GLB1: variants seen among roughly 807,000 people sequenced by gnomAD.
GLB1 encodes beta-galactosidase.
A neutral mutation model predicts 74.0 loss-of-function variants in GLB1; 56 were observed. The observed-to-expected ratio is 0.76, with a 90% CI of 0.61 to 0.94. The LOEUF is 0.94. Ranked by LOEUF, GLB1 falls within the 40% of genes least tolerant of loss-of-function variation. GLB1 has a pLI of 0.00. For missense variants in GLB1, 787 were observed against 845.5 expected (o/e 0.93, Z 0.86); for synonymous variants, 323 against 323.6 (o/e 1.00, Z 0.02).
chr3:33,058,825 T>A (rs1699327637), intron 5 of GLB1, among the ~76,000 whole-genome samples: 1 of 142,444 alleles, frequency 7.0e-6, no homozygotes, highest in South Asian at 2.7e-4. Flanking sequence ...CTATGCAAAA[T>A]CTCCATGGCA....
the GLB1 span, among the ~76,000 whole-genome samples, chr3:32,981,635 G>C: frequency 0.011 from 1,691 of 151,732 alleles, 27 homozygotes; most frequent in African/African-American, 0.037. Context: ...TTAGCCAGGC[G>C]TCATGGCGCA....
chr3:33,034,612 G>T, intron 10 of GLB1: 1 of 721,600 alleles, frequency 1.4e-6, no homozygotes. Context: ...CTCCCAAATT[G>T]CTGCACAAGT....
chr3:32,983,192 T>TCTA, the GLB1 span, among the ~76,000 whole-genome samples: 1 of 152,208 alleles, frequency 6.6e-6, no homozygotes, highest in South Asian at 2.1e-4. Flanking sequence ...AAATACTACC[T>TCTA]CTACTTCATC....
intron 1 of GLB1, chr3:33,077,392 C>G: frequency 1.7e-6 from 2 of 1,143,562 alleles, no homozygotes; most frequent in East Asian, 2.6e-5. Context: ...TCCAATTTGA[C>G]AGGCAACCAA....
At chr3:33,011,133 C>T (rs940954748) in intron 15 of GLB1, among the ~76,000 whole-genome samples, 1 of 152,128 alleles carries the variant, frequency 6.6e-6, no homozygotes, top group South Asian at 2.1e-4. Context: ...CTGGGATTTA[C>T]AGGCATGAGC....
chr3:32,974,446 TAATC>T, the GLB1 span, among the ~76,000 whole-genome samples: 1 of 152,222 alleles, frequency 6.6e-6, no homozygotes, highest in Non-Finnish European at 1.5e-5. Context: ...TCTATATCAT[TAATC>T]TATCTGTATC....
chr3:32,968,577 T>C, the GLB1 span, among the ~76,000 whole-genome samples: 1 of 152,084 alleles, frequency 6.6e-6, no homozygotes, highest in African/African-American at 2.4e-5. Context: ...TGGTGTCAAA[T>C]AAGAGAGTTC....
At position 33,051,990 on chromosome 3, in the gene GLB1, G is replaced by A. The variant is rs1171596262; in HGVS notation, c.807C>T (p.Phe269=). 6.2e-7 allele frequency: 1 copy of A among 1,614,164 alleles called. No homozygotes were observed. Among genetic ancestry groups the A allele is most frequent in the Non-Finnish European group, 8.5e-7 (1 of 1,180,034 alleles). Residue 269 remains phenylalanine (F), a synonymous_variant, in exon 8 of 16, where the codon TTC becomes TTT. Coordinates refer to ENST00000307363, the MANE Select transcript of GLB1 (RefSeq NM_000404.4). The part of the protein sequence containing the change: ...EPKGPLINSE[F]YTGWLDHWGQ... ...CCCAGTGATCTAGCCAGCCAGTATAGAATTCAGAATTGATCTAAAACAAAA... is the reference window on the plus strand; with the variant it reads ...CCCAGTGATCTAGCCAGCCAGTATAAAATTCAGAATTGATCTAAAACAAAA...
chr3:33,061,281 G>A (rs1699432290), intron 5 of GLB1, among the ~76,000 whole-genome samples: 2 of 152,178 alleles, frequency 1.3e-5, no homozygotes, highest in Non-Finnish European at 2.9e-5. Flanking sequence ...AGGCATGATG[G>A]CAGGTGCCTG....
the GLB1 span, among the ~76,000 whole-genome samples, chr3:32,980,597 A>C: frequency 6.6e-6 from 1 of 152,194 alleles, no homozygotes; most frequent in Non-Finnish European, 1.5e-5. Flanking sequence ...CCTGGCCAGC[A>C]TGGTGAACCC....
intron 1 of GLB1, 101 bp from the exon 2 acceptor site, chr3:33,072,814 A>G: frequency 6.5e-7 from 1 of 1,542,348 alleles, no homozygotes; most frequent in Non-Finnish European, 8.8e-7. Flanking sequence ...TTGAATTTGT[A>G]TAATGTGCTG....
chr3:32,968,953 A>T, the GLB1 span, among the ~76,000 whole-genome samples: 1 of 152,244 alleles, frequency 6.6e-6, no homozygotes, highest in Non-Finnish European at 1.5e-5. Flanking sequence ...TGGCATGGGC[A>T]GCTAATACAC....
At chr3:32,968,962 A>G in the GLB1 span, among the ~76,000 whole-genome samples, 2 of 152,200 alleles carry the variant, frequency 1.3e-5, no homozygotes, top group East Asian at 1.9e-4. Flanking sequence ...CAGCTAATAC[A>G]CTGACTTTAA....
rs1027094707 is a variant in GLB1, at chr3:33,057,317, A to G, written c.733+772T>C. On this transcript the variant is annotated intron_variant, in intron 6 of 15. Coordinates refer to ENST00000307363, the MANE Select transcript of GLB1 (RefSeq NM_000404.4). Reference sequence around the variant, plus strand: ...GGCTTCCTATACAGCCTGTGAGTCCATTAAACCTCTTTTCTTTGTAAATTA... The same window carrying G: ...GGCTTCCTATACAGCCTGTGAGTCCGTTAAACCTCTTTTCTTTGTAAATTA... Among the ~76,000 whole-genome samples, 3 of 152,200 alleles carry G rather than the reference A, an allele frequency of 2.0e-5. No individual in the cohort carries two copies. In the East Asian group the frequency reaches 5.8e-4, roughly 29 times the overall value.
chr3:32,977,350 C>G, the GLB1 span, among the ~76,000 whole-genome samples: 2 of 151,844 alleles, frequency 1.3e-5, no homozygotes, highest in Non-Finnish European at 2.9e-5. Flanking sequence ...GGATTACAGG[C>G]GCCCACCACC....
At chr3:33,021,525 G>A (rs766125799) in intron 12 of GLB1, 41 bp downstream of exon 12, 1 of 1,599,036 alleles carries the variant, frequency 6.3e-7, no homozygotes, top group South Asian at 1.1e-5. Flanking sequence ...GCACACTTTT[G>A]CAAGTAGAAA....
chr3:32,966,425 T>C, the GLB1 span, among the ~76,000 whole-genome samples: 11 of 152,208 alleles, frequency 7.2e-5, no homozygotes, highest in Non-Finnish European at 2.9e-5. Context: ...TTTCTCCCAT[T>C]TGGAGCAGCT....
chr3:33,045,426 T>C, intron 10 of GLB1: 1 of 985,324 alleles, frequency 1.0e-6, no homozygotes, highest in Non-Finnish European at 1.2e-6. Flanking sequence ...AGAAATAGTG[T>C]CCAGGTTCAA....
rs779369835 is a variant in GLB1 at position 33,065,445 on chromosome 3, G to A, written c.552+18C>T. On this transcript the variant is annotated intron_variant, in intron 5 of 15. Coordinates refer to ENST00000307363, the MANE Select transcript of GLB1 (RefSeq NM_000404.4). ...GGAACCCCTCCCCCAATCCATCCAT[G>A]CTCAACTCCAGGGTTACCTGCACTG... 215 of 1,567,526 alleles carry A rather than the reference G, an allele frequency of 1.4e-4. No individual in the cohort carries two copies. The highest frequency in any genetic ancestry group is 4.2e-4 in the Admixed American group (23 of 54,676).
Sources: gnomAD v4.1 joint callset for allele counts (sites outside exome capture counted in the v4.1 genomes callset) on GRCh38, gnomAD v4.1.1 for gene constraint, MANE v1.5 for transcripts, NCBI Gene and HGNC (gene_info 2026-07-23, HGNC 2026-07-21) for gene names.